The following NCOA1 variants were observed in gnomAD, a reference collection of about 807,000 sequenced individuals.
NCOA1 encodes the protein Hin-2 protein.
In NCOA1, 35 loss-of-function variants were observed where a neutral mutation model predicts 150.9. The ratio of observed to expected loss-of-function variants is 0.23; its 90% CI spans 0.18 to 0.31. The LOEUF is 0.31. Among genes scored for constraint, NCOA1 ranks in the 10% least tolerant of loss-of-function variants. The pLI, the probability that NCOA1 is intolerant of heterozygous loss-of-function variation, is 1.00. For missense variants in NCOA1, 1,491 were observed against 1,749.3 expected (o/e 0.85, Z 2.63); for synonymous variants, 590 against 630.0 (o/e 0.94, Z 0.95).
intron 11 of NCOA1, among the ~76,000 whole-genome samples, chr2:24,698,108 C>T (rs975049616): frequency 6.6e-6 from 1 of 151,776 alleles, no homozygotes; most frequent in Admixed American, 6.6e-5. Flanking sequence ...ACAGTGATGA[C>T]TAAAAAAGAA....
At chr2:24,693,766 A>G (rs1468325007) in intron 10 of NCOA1, among the ~76,000 whole-genome samples, 9 of 151,850 alleles carry the variant, frequency 5.9e-5, no homozygotes, top group Non-Finnish European at 1.3e-4. Flanking sequence ...AAATTTATTT[A>G]GCACATACCG....
At chr2:24,709,949 T>A (rs1673649271) in intron 13 of NCOA1, among the ~76,000 whole-genome samples, 1 of 152,106 alleles carries the variant, frequency 6.6e-6, no homozygotes, top group African/African-American at 2.4e-5. Context: ...AAACAAAAAT[T>A]TCAGTTGAAC....
intron 1 of NCOA1, among the ~76,000 whole-genome samples, chr2:24,551,369 G>A (rs1336402672): frequency 6.6e-6 from 1 of 152,070 alleles, no homozygotes; most frequent in Non-Finnish European, 1.5e-5. Context: ...TCCTTCATCA[G>A]ATGTTTGTTT....
chr2:24,704,876 A>G (rs1340596413), intron 11 of NCOA1, among the ~76,000 whole-genome samples: 1 of 152,158 alleles, frequency 6.6e-6, no homozygotes, highest in Non-Finnish European at 1.5e-5. Flanking sequence ...TGACTCAATT[A>G]AAACCTGTCA....
chr2:24,531,264 C>T (rs1445602959), intron 1 of NCOA1, among the ~76,000 whole-genome samples: 1 of 152,196 alleles, frequency 6.6e-6, no homozygotes, highest in East Asian at 1.9e-4. Context: ...GATGAAATCA[C>T]CACCTTGTAA....
At chr2:24,746,639 C>A (rs1371294169) in intron 19 of NCOA1, among the ~76,000 whole-genome samples, 2 of 152,164 alleles carry the variant, frequency 1.3e-5, no homozygotes, top group Non-Finnish European at 2.9e-5. Flanking sequence ...TATCCAAGGT[C>A]CAGTGTGTAG....
At chr2:24,589,630 GGTGTGT>G (rs148118845) in intron 3 of NCOA1, among the ~76,000 whole-genome samples, 459 of 147,540 alleles carry the variant, frequency 3.1e-3, no homozygotes, top group African/African-American at 7.9e-3. Flanking sequence ...AGAGGTTGGT[GGTGTGT>G]GTGTGTGTGT....
chr2:24,590,362 T>A (rs1224001525), intron 3 of NCOA1, among the ~76,000 whole-genome samples: 1 of 152,216 alleles, frequency 6.6e-6, no homozygotes, highest in Non-Finnish European at 1.5e-5. Context: ...TTTTTAATTG[T>A]AGTAGAGACT....
chr2:24,647,026 G>A (rs1174514350), intron 4 of NCOA1, among the ~76,000 whole-genome samples: 2 of 152,044 alleles, frequency 1.3e-5, no homozygotes, highest in African/African-American at 2.4e-5. Context: ...GGTAAGTCAC[G>A]ATTCGCTATA....
At chr2:24,523,084 C>G (rs1181904465) in intron 1 of NCOA1, among the ~76,000 whole-genome samples, 1 of 152,054 alleles carries the variant, frequency 6.6e-6, no homozygotes, top group Non-Finnish European at 1.5e-5. Context: ...ATGGTCAAGT[C>G]AATTATCTGT....
At chr2:24,681,698 T>A (rs959885298) in intron 7 of NCOA1, among the ~76,000 whole-genome samples, 1 of 151,694 alleles carries the variant, frequency 6.6e-6, no homozygotes, top group African/African-American at 2.4e-5. Flanking sequence ...ACAGCAAACT[T>A]GGTACCCTGG....
At chr2:24,714,314 TA>T (rs1329699953) in intron 14 of NCOA1, among the ~76,000 whole-genome samples, 2 of 151,836 alleles carry the variant, frequency 1.3e-5, no homozygotes, top group Non-Finnish European at 1.5e-5. Flanking sequence ...CAACATATAA[TA>T]AAAAAAATTA....
At chr2:24,683,927 T>C (rs111767016) in intron 8 of NCOA1, among the ~76,000 whole-genome samples, 1 of 151,912 alleles carries the variant, frequency 6.6e-6, no homozygotes, top group Non-Finnish European at 1.5e-5. Flanking sequence ...TTACTTTTTT[T>C]CCCCATAGTT....
intron 4 of NCOA1, among the ~76,000 whole-genome samples, chr2:24,657,753 T>C (rs1470724159): frequency 1.3e-5 from 2 of 152,214 alleles, no homozygotes; most frequent in Non-Finnish European, 2.9e-5. Flanking sequence ...AGTTTAATAA[T>C]TTAGAATTTA....
At chr2:24,602,808 C>A (rs56061833) in intron 3 of NCOA1, among the ~76,000 whole-genome samples, 1 of 152,090 alleles carries the variant, frequency 6.6e-6, no homozygotes, top group African/African-American at 2.4e-5. Flanking sequence ...TGTACATCAG[C>A]CTCAGAAATG....
intron 1 of NCOA1, among the ~76,000 whole-genome samples, chr2:24,516,810 T>A (rs1664189720): frequency 7.5e-6 from 1 of 133,604 alleles, no homozygotes; most frequent in African/African-American, 2.6e-5. Context: ...TACTTTCCTA[T>A]TTCTATCCAG....
chr2:24,640,250 G>A (rs1439514830), intron 3 of NCOA1, among the ~76,000 whole-genome samples: 5 of 138,520 alleles, frequency 3.6e-5, no homozygotes, highest in Admixed American at 2.1e-4. Flanking sequence ...TTCATGTTGA[G>A]TAATATTTTC....
Position 24,707,591 on chromosome 2 carries a change from C to T in NCOA1, c.2121C>T (p.Val707=), listed in dbSNP as rs150035089. 81 of 1,614,102 alleles carry T rather than the reference C, an allele frequency of 5.0e-5. No individual in the cohort carries two copies. The African/African-American group carries it at 8.9e-4, about 18-fold the overall frequency. ...CCTCAGATATCACCACTTTGTCTGT[C>T]GAGCCTGATAAAAAGGACAGTGCAT... ...GSPSDITTLS[V]EPDKKDSAST... is the part of the protein sequence containing the mutation. Residue 707 remains valine (V), a synonymous_variant, in exon 13 of 23, where the codon GTC becomes GTT. Coordinates refer to ENST00000348332, the MANE Select transcript of NCOA1 (RefSeq NM_003743.5).
chr2:24,746,883 A>G (rs1663951162), intron 19 of NCOA1, among the ~76,000 whole-genome samples: 1 of 152,208 alleles, frequency 6.6e-6, no homozygotes, highest in Non-Finnish European at 1.5e-5. Context: ...TAATGAGGAC[A>G]GTTATACATG....
Sources: gnomAD v4.1 joint callset for allele counts (sites outside exome capture counted in the v4.1 genomes callset) on GRCh38, gnomAD v4.1.1 for gene constraint, MANE v1.5 for transcripts, NCBI Gene and HGNC (gene_info 2026-07-23, HGNC 2026-07-21) for gene names.